LAMA2: variants seen among roughly 807,000 people sequenced by gnomAD.
LAMA2 encodes laminin subunit alpha 2, also known as laminin subunit alpha-2.
In LAMA2, 269 loss-of-function variants were observed where a neutral mutation model predicts 364.8. The observed-to-expected ratio is 0.74, with a 90% CI of 0.67 to 0.82. The LOEUF is 0.82. LAMA2 is among the 40% of genes least tolerant of loss of function. LAMA2 has a pLI of 0.00. For missense variants in LAMA2, 3,807 were observed against 3,873.2 expected, an observed-to-expected ratio of 0.98 and a Z score of 0.45; for synonymous variants, 1,379 against 1,370.6, an observed-to-expected ratio of 1.01 and a Z score of -0.14.
intron 1 of LAMA2, among the ~76,000 whole-genome samples, chr6:128,960,626 C>T (rs1472334929): frequency 1.3e-5 from 2 of 152,214 alleles, no homozygotes; most frequent in Non-Finnish European, 2.9e-5. Context: ...TCCCAAAGTG[C>T]TGGGATTACA....
intron 34 of LAMA2, among the ~76,000 whole-genome samples, chr6:129,370,247 A>G (rs1562500691): frequency 1.3e-5 from 2 of 152,256 alleles, no homozygotes; most frequent in Admixed American, 6.5e-5. Flanking sequence ...AACTTTATTC[A>G]GTAGCCTCCG....
intron 1 of LAMA2, among the ~76,000 whole-genome samples, chr6:128,915,778 A>C (rs2114471272): frequency 6.6e-6 from 1 of 152,240 alleles, no homozygotes; most frequent in Non-Finnish European, 1.5e-5. Context: ...TTATAGTCTA[A>C]AAAAATGAAC....
At chr6:129,238,236 C>G (rs894708348) in intron 12 of LAMA2, among the ~76,000 whole-genome samples, 91 of 151,010 alleles carry the variant, frequency 6.0e-4, no homozygotes, top group Non-Finnish European at 4.4e-5. Context: ...AAATCTAATT[C>G]AAAAATCTAT....
rs149561195 is a variant in LAMA2, at chr6:129,464,406, C to T, written c.7109C>T (p.Thr2370Ile). Residue 2370 changes from threonine to isoleucine, a missense_variant, in exon 50 of 65, where the codon ACA (threonine) becomes ATA (isoleucine). Thr to Ile is a moderately conservative substitution (Grantham distance 89). Coordinates refer to ENST00000421865, the MANE Select transcript of LAMA2 (RefSeq NM_000426.4). ...NISTVMFKFR[T>I]FSSSALLMYL... ...TCCACTGTCATGTTCAAGTTCAGAA[C>T]ATTTTCTTCGAGTGCTCTTCTGATG... 8.1e-5 allele frequency: 130 copies of T among 1,612,278 alleles called. No homozygotes were observed. Among genetic ancestry groups the T allele is most frequent in the Non-Finnish European group, 1.0e-4 (120 of 1,178,810 alleles).
chr6:129,448,467 G>A (rs1398619986), intron 45 of LAMA2, among the ~76,000 whole-genome samples: 2 of 152,070 alleles, frequency 1.3e-5, no homozygotes, highest in Non-Finnish European at 2.9e-5. Flanking sequence ...AATGAGTTTT[G>A]TACTAAATGA....
At chr6:129,515,330 G>C (rs1786961735) in intron 64 of LAMA2, among the ~76,000 whole-genome samples, 1 of 152,348 alleles carries the variant, frequency 6.6e-6, no homozygotes. Flanking sequence ...TGTTGACAGA[G>C]CAATGTTGAT....
intron 17 of LAMA2, among the ~76,000 whole-genome samples, chr6:129,277,065 A>G (rs1288568184): frequency 6.6e-6 from 1 of 152,182 alleles, no homozygotes; most frequent in Non-Finnish European, 1.5e-5. Context: ...GGTTATCCCA[A>G]TAACAGCTTC....
chr6:129,492,892 G>A (rs933056252), intron 58 of LAMA2, among the ~76,000 whole-genome samples: 1 of 152,158 alleles, frequency 6.6e-6, no homozygotes, highest in Non-Finnish European at 1.5e-5. Context: ...GGTGGCTCAC[G>A]CCTGTAATCC....
At chr6:129,264,257 C>T (rs1012745674) in intron 15 of LAMA2, among the ~76,000 whole-genome samples, 8 of 152,088 alleles carry the variant, frequency 5.3e-5, no homozygotes, top group South Asian at 4.2e-4. Flanking sequence ...CTTACTGATT[C>T]GAGACTGTAT....
At chr6:129,479,220 GTAGTAATT>G (rs1343839693) in intron 54 of LAMA2, among the ~76,000 whole-genome samples, 2 of 152,078 alleles carry the variant, frequency 1.3e-5, no homozygotes, top group African/African-American at 2.4e-5. Flanking sequence ...CAAGTAGCAA[GTAGTAATT>G]TACACCGTAG....
chr6:129,401,616 G>T (rs1583664689), intron 38 of LAMA2, among the ~76,000 whole-genome samples: 1 of 152,198 alleles, frequency 6.6e-6, no homozygotes, highest in Non-Finnish European at 1.5e-5. Context: ...TCCTAGAGCA[G>T]CACTTACAAT....
At chr6:129,088,201 C>A (rs1446373619) in intron 3 of LAMA2, among the ~76,000 whole-genome samples, 4 of 150,268 alleles carry the variant, frequency 2.7e-5, no homozygotes, top group Non-Finnish European at 3.0e-5. Context: ...TCAGAGAGCA[C>A]GGGGTTGGGA....
At chr6:129,176,650 C>T (rs527482759) in intron 9 of LAMA2, among the ~76,000 whole-genome samples, 1 of 152,144 alleles carries the variant, frequency 6.6e-6, no homozygotes, top group Non-Finnish European at 1.5e-5. Flanking sequence ...ATATTTTTAT[C>T]AATGTAAAAT....
chr6:128,903,772 T>C (rs1016667230), intron 1 of LAMA2, among the ~76,000 whole-genome samples: 1 of 152,212 alleles, frequency 6.6e-6, no homozygotes, highest in Non-Finnish European at 1.5e-5. Flanking sequence ...AAATATAGGA[T>C]CTTTCCTGGA....
At chr6:129,252,849 CAATA>C (rs1786365364) in intron 14 of LAMA2, among the ~76,000 whole-genome samples, 1 of 152,118 alleles carries the variant, frequency 6.6e-6, no homozygotes, top group East Asian at 1.9e-4. Flanking sequence ...AATAGAAATT[CAATA>C]AGCTTTATTG....
At chr6:128,958,794 C>T (rs1003036980) in intron 1 of LAMA2, among the ~76,000 whole-genome samples, 1 of 152,076 alleles carries the variant, frequency 6.6e-6, no homozygotes, top group Non-Finnish European at 1.5e-5. Context: ...TCTTCCATCC[C>T]TCCTTCACTC....
In LAMA2 at chr6:128,883,292, G is replaced by A. The variant is rs1433923964; in HGVS notation, c.47G>A (p.Gly16Asp). ...GVLLLLLLSG[G>D]LGGVQAQRPQ... ...CTCCTCCTTCTGCTGCTCTCCGGAGGCCTCGGGGGCGTACAGGCGCAGCGG... is the reference window on the plus strand; with the variant it reads ...CTCCTCCTTCTGCTGCTCTCCGGAGACCTCGGGGGCGTACAGGCGCAGCGG... The change falls in exon 1 of 65, where the codon GGC (glycine) becomes GAC (aspartate). Residue 16 changes from glycine (G) to aspartate (D), a missense_variant. By Grantham distance (94) the Gly-to-Asp change is moderately conservative. Transcript: ENST00000421865. The A allele has an allele frequency of 6.3e-6, 10 of 1,584,658 alleles. No individual in the cohort carries two copies. Among genetic ancestry groups the A allele is most frequent in the Non-Finnish European group, 8.6e-6 (10 of 1,165,500 alleles).
intron 34 of LAMA2, among the ~76,000 whole-genome samples, chr6:129,371,594 A>G (rs1296616872): frequency 6.7e-6 from 1 of 148,520 alleles, no homozygotes. Context: ...CGTTAGAGAC[A>G]CAAAAAGTAT....
chr6:128,892,994 A>G (rs1479588982), intron 1 of LAMA2, among the ~76,000 whole-genome samples: 3 of 151,952 alleles, frequency 2.0e-5, no homozygotes, highest in Non-Finnish European at 2.9e-5. Flanking sequence ...AGGCCCGTTT[A>G]CCATCAAAAA....
Sources: allele counts gnomAD v4.1 joint callset (sites outside exome capture counted in the v4.1 genomes callset), GRCh38; gene constraint gnomAD v4.1.1; transcripts MANE v1.5; gene names NCBI Gene and HGNC (gene_info 2026-07-23, HGNC 2026-07-21).